Variants in PLEKHD1 observed in about 807,000 individuals in gnomAD.
PLEKHD1 encodes the protein pleckstrin homology domain-containing family D member 1.
In PLEKHD1, 51 loss-of-function variants were observed where a neutral mutation model predicts 69.2. That is an observed-to-expected ratio of 0.74 (90% confidence interval 0.59 to 0.93). The LOEUF is 0.93. Ranked by LOEUF, PLEKHD1 falls within the 40% of genes least tolerant of loss-of-function variation. The pLI is 0.00. For missense variants in PLEKHD1, 584 were observed against 641.0 expected, an observed-to-expected ratio of 0.91 and a Z score of 0.96; for synonymous variants, 236 against 244.7, an observed-to-expected ratio of 0.96 and a Z score of 0.33.
chr14:69,507,179 C>A (rs374851763), intron 6 of PLEKHD1, among the ~76,000 whole-genome samples: 1 of 152,084 alleles, frequency 6.6e-6, no homozygotes, highest in African/African-American at 2.4e-5. Flanking sequence ...CATGAGCCAC[C>A]GTGCCCAGCC....
Position 69,501,801 on chromosome 14 carries a change from G to A in PLEKHD1, c.478G>A (p.Ala160Thr), listed in dbSNP as rs1278195302. ...CCTGGAGGCCCAGGGGCTGCAGTTG[G>A]CTAAGGAAAAGCAGGAGTATTTAGG... Reference protein sequence around the residue: ...KSLEAQGLQLAKEKQEYLDKL... With the variant: ...KSLEAQGLQLTKEKQEYLDKL... Residue 160 changes from alanine to threonine, a missense_variant, in exon 5 of 13, where the codon GCT (alanine) becomes ACT (threonine). Ala to Thr is a moderately conservative substitution (Grantham distance 58). Transcript: ENST00000322564. 10 of 1,551,424 alleles carry A rather than the reference G, an allele frequency of 6.4e-6. No individual in the cohort carries two copies. Among genetic ancestry groups the A allele is most frequent in the Non-Finnish European group, 7.8e-6 (9 of 1,146,798 alleles).
chr14:69,485,155 G>T, intron 1 of PLEKHD1, 41 bp downstream of exon 1: 1 of 1,533,760 alleles, frequency 6.5e-7, no homozygotes, highest in South Asian at 1.2e-5. Context: ...GCCGGGGAGA[G>T]AGCCTGGGCG....
upstream of PLEKHD1, among the ~76,000 whole-genome samples, chr14:69,480,701 G>A (rs1490543443): frequency 6.6e-6 from 1 of 151,746 alleles, no homozygotes; most frequent in Non-Finnish European, 1.5e-5. Context: ...CTCCCAGGCT[G>A]GAGTGCAATG....
At chr14:69,473,696 C>T in the PLEKHD1 span, among the ~76,000 whole-genome samples, 1 of 152,100 alleles carries the variant, frequency 6.6e-6, no homozygotes, top group African/African-American at 2.4e-5. Context: ...TCTGGTTGCA[C>T]AAGAATTGAG....
chr14:69,491,744 A>C (rs1011026055), intron 1 of PLEKHD1, among the ~76,000 whole-genome samples: 1 of 152,168 alleles, frequency 6.6e-6, no homozygotes, highest in Admixed American at 6.5e-5. Context: ...TGTTGCATTC[A>C]GAGCACTGGG....
rs1373427218 is a variant in PLEKHD1, at chr14:69,522,289, G to C, written c.562G>C (p.Glu188Gln). The change falls in exon 7 of 13, where the codon GAG (glutamate) becomes CAG (glutamine). Residue 188 changes from glutamate to glutamine, a missense_variant. Transcript: ENST00000322564. ...TCCTCTCTGGTCTCTTCAGGAGCTT[G>C]AGCGCCTTAACCAGGTGCTGGAGGC... ...CLQREQREEL[E>Q]RLNQVLEAEK... The C allele has an allele frequency of 3.9e-6, 6 of 1,551,260 alleles. No homozygotes were observed. Among genetic ancestry groups the C allele is most frequent in the Non-Finnish European group, 5.2e-6 (6 of 1,146,850 alleles).
intron 1 of PLEKHD1, among the ~76,000 whole-genome samples, chr14:69,494,800 A>C (rs1266082919): frequency 6.6e-6 from 1 of 152,178 alleles, no homozygotes; most frequent in Non-Finnish European, 1.5e-5. Flanking sequence ...TGGTGTTCTG[A>C]GCCCCTGCCT....
intron 1 of PLEKHD1, among the ~76,000 whole-genome samples, chr14:69,485,780 A>C (rs1163293867): frequency 6.6e-6 from 1 of 152,230 alleles, no homozygotes; most frequent in Non-Finnish European, 1.5e-5. Context: ...GGAGTGAAGG[A>C]GGGGATAGAT....
chr14:69,527,042 G>A, intron 10 of PLEKHD1, 146 bp from the exon 11 acceptor site: 1 of 1,206,364 alleles, frequency 8.3e-7, no homozygotes, highest in Non-Finnish European at 1.1e-6. Context: ...CAGTCCATCT[G>A]GTTCAAAGGG....
In PLEKHD1 at chr14:69,502,880, G is replaced by T; in HGVS notation, c.555+1G>T. ...CTGCCTTCAGAGGGAGCAGAGAGAG[G>T]TAGGTGCACACCAAGGGGCTCTCAG... On this transcript the variant is annotated splice_donor_variant, in intron 6 of 12. Transcript: ENST00000322564. LOFTEE classifies it high-confidence loss of function. 1 of 1,551,684 alleles carries T rather than the reference G, an allele frequency of 6.4e-7. No homozygotes were observed. The highest frequency in any genetic ancestry group is 1.2e-5 in the South Asian group (1 of 84,064).
At chr14:69,521,361 T>C (rs752346637) in intron 6 of PLEKHD1, among the ~76,000 whole-genome samples, 8 of 152,146 alleles carry the variant, frequency 5.3e-5, no homozygotes, top group Non-Finnish European at 1.2e-4. Flanking sequence ...TATTCCTTCT[T>C]TGCATCTCCT....
intron 6 of PLEKHD1, among the ~76,000 whole-genome samples, chr14:69,508,283 A>G (rs1883195919): frequency 6.6e-6 from 1 of 151,894 alleles, no homozygotes; most frequent in Non-Finnish European, 1.5e-5. Flanking sequence ...ATGTGTGCCT[A>G]TAATCCCAGC....
Position 69,500,685 on chromosome 14 carries a change from T to C in PLEKHD1, c.333+19T>C. 1 of 1,549,486 alleles carries C rather than the reference T, an allele frequency of 6.5e-7. No individual in the cohort carries two copies. Among genetic ancestry groups the C allele is most frequent in the Non-Finnish European group, 8.7e-7 (1 of 1,145,838 alleles). Reference sequence around the variant, plus strand: ...CTTCCATGTGAGTAAAGCTCTTCCCTCAGCCTGGGCTCCGCAGGAGCAGAC... The same window carrying C: ...CTTCCATGTGAGTAAAGCTCTTCCCCCAGCCTGGGCTCCGCAGGAGCAGAC... On this transcript the variant is annotated intron_variant, in intron 3 of 12. Coordinates refer to ENST00000322564, the MANE Select transcript of PLEKHD1 (RefSeq NM_001161498.2).
chr14:69,491,821 A>T (rs1485292955), intron 1 of PLEKHD1, among the ~76,000 whole-genome samples: 1 of 152,190 alleles, frequency 6.6e-6, no homozygotes, highest in Non-Finnish European at 1.5e-5. Context: ...CCTAATTCAT[A>T]TTGGATGGCA....
chr14:69,521,804 A>G (rs1883520903), intron 6 of PLEKHD1, among the ~76,000 whole-genome samples: 1 of 152,136 alleles, frequency 6.6e-6, no homozygotes, highest in African/African-American at 2.4e-5. Flanking sequence ...ATACCTCAAG[A>G]AAAATAGAGT....
intron 6 of PLEKHD1, among the ~76,000 whole-genome samples, chr14:69,505,299 C>A (rs116449208): frequency 0.011 from 1,711 of 152,284 alleles, 36 homozygotes; most frequent in African/African-American, 0.04. Flanking sequence ...CTAGTCTTTG[C>A]CACTGAGTCA....
intron 8 of PLEKHD1, among the ~76,000 whole-genome samples, chr14:69,524,778 G>A (rs999176510): frequency 5.3e-5 from 8 of 152,096 alleles, no homozygotes; most frequent in African/African-American, 1.7e-4. Context: ...GAGGTGACAA[G>A]CCTCAAGGAC....
At chr14:69,487,419 G>A (rs542466153) in intron 1 of PLEKHD1, among the ~76,000 whole-genome samples, 3 of 152,338 alleles carry the variant, frequency 2.0e-5, no homozygotes, top group South Asian at 2.1e-4. Context: ...GCTGAGGGCC[G>A]CCACCGCAGA....
intron 1 of PLEKHD1, among the ~76,000 whole-genome samples, chr14:69,493,297 TGAG>T (rs1180060521): frequency 1.3e-5 from 2 of 152,208 alleles, no homozygotes; most frequent in Non-Finnish European, 2.9e-5. Context: ...TCACATGTAA[TGAG>T]GAGGACCAGG....
Sources: gnomAD v4.1 joint callset for allele counts (sites outside exome capture counted in the v4.1 genomes callset) on GRCh38, gnomAD v4.1.1 for gene constraint, MANE v1.5 for transcripts, NCBI Gene and HGNC (gene_info 2026-07-23, HGNC 2026-07-21) for gene names.